Variants in TPP2 observed in about 807,000 individuals in gnomAD.
The protein encoded by TPP2 is tripeptidyl peptidase 2.
TPP2 carries 34 observed loss-of-function variants against 155.9 expected under a neutral mutation model. The ratio of observed to expected loss-of-function variants is 0.22; its 90% CI spans 0.17 to 0.29. TPP2 has a LOEUF of 0.29. TPP2 is among the 10% of genes least tolerant of loss of function. The pLI is 1.00. For missense variants in TPP2, 1,028 were observed against 1,522.3 expected (o/e 0.68, Z 5.40); for synonymous variants, 510 against 529.4 (o/e 0.96, Z 0.50).
chr13:102,655,033 G>GC (rs1427601668), intron 24 of TPP2: 1 of 502,848 alleles, frequency 2.0e-6, no homozygotes. Context: ...ACAGGTTCTG[G>GC]CCCCCTGACC....
At chr13:102,604,727 A>C in intron 1 of TPP2, 66 bp from the exon 2 acceptor site, 1 of 1,526,016 alleles carries the variant, frequency 6.6e-7, no homozygotes, top group Non-Finnish European at 8.9e-7. Context: ...ATATATGTGG[A>C]TTTGCATTGT....
chr13:102,644,837 A>G, intron 18 of TPP2, 72 bp from the exon 19 acceptor site: 1 of 1,548,624 alleles, frequency 6.5e-7, no homozygotes. Context: ...TATTGGACAC[A>G]TTTATTTTAG....
At chr13:102,654,283 A>AG (rs1206614451) in intron 24 of TPP2, among the ~76,000 whole-genome samples, 1 of 152,194 alleles carries the variant, frequency 6.6e-6, no homozygotes, top group Non-Finnish European at 1.5e-5. Flanking sequence ...AACATCTTGT[A>AG]GGATTACACT....
Position 102,678,336 on chromosome 13 carries a change from A to C in TPP2, c.*20A>C. ...TTCTAAAATAGGAAACAAGACTTTA[A>C]ATTTTAAAAAAGGAAGTTTTATAGT... On this transcript the variant is annotated 3_prime_UTR_variant, in exon 30 of 30. Coordinates refer to ENST00000376052, the MANE Select transcript of TPP2 (RefSeq NM_001330588.2). 5 of 1,598,456 alleles carry C rather than the reference A, an allele frequency of 3.1e-6. No homozygotes were observed. Among genetic ancestry groups the C allele is most frequent in the Non-Finnish European group, 4.3e-6 (5 of 1,175,614 alleles).
At chr13:102,626,914 T>G (rs2139477292) in intron 6 of TPP2, 98 bp from the exon 7 acceptor site, 1 of 1,258,814 alleles carries the variant, frequency 7.9e-7, no homozygotes, top group East Asian at 2.7e-5. Context: ...CAGAGTAATG[T>G]GTATTCTTTT....
At chr13:102,674,666 A>G (rs1311863736) in intron 28 of TPP2, among the ~76,000 whole-genome samples, 176 bp downstream of exon 28, 2 of 152,224 alleles carry the variant, frequency 1.3e-5, no homozygotes, top group Non-Finnish European at 2.9e-5. Flanking sequence ...TTTAAAAAAC[A>G]TTATTTTATG....
rs1433974217 is a variant in TPP2 at position 102,597,119 on chromosome 13, C to A, written c.81C>A (p.Leu27=). ...AGGAGACCGGAGCCGCCTCCTTCCT[C>A]TGCCGCTACCCGGAGTATGATGGGC... ...PKKETGAASF[L]CRYPEYDGRG... Residue 27 remains leucine, a synonymous_variant, in exon 1 of 30, where the codon CTC becomes CTA. Transcript: ENST00000376052. 3 of 1,611,234 alleles carry A rather than the reference C, an allele frequency of 1.9e-6. No individual in the cohort carries two copies. In the South Asian group the frequency reaches 3.3e-5, roughly 18 times the overall value.
intron 1 of TPP2, among the ~76,000 whole-genome samples, chr13:102,602,557 A>G (rs1352612119): frequency 6.6e-6 from 1 of 152,220 alleles, no homozygotes; most frequent in South Asian, 2.1e-4. Context: ...GTTCCATGGC[A>G]ACAAGATTGA....
chr13:102,601,635 C>T (rs1354058675), intron 1 of TPP2, among the ~76,000 whole-genome samples: 1 of 152,168 alleles, frequency 6.6e-6, no homozygotes, highest in Non-Finnish European at 1.5e-5. Flanking sequence ...TGCTTTCAGT[C>T]CCTCTTTCCC....
At chr13:102,649,896 C>T (rs1883373303) in intron 23 of TPP2, among the ~76,000 whole-genome samples, 1 of 152,014 alleles carries the variant, frequency 6.6e-6, no homozygotes, top group Non-Finnish European at 1.5e-5. Context: ...AGGAATAAAT[C>T]AGATTATCTT....
intron 2 of TPP2, among the ~76,000 whole-genome samples, chr13:102,613,513 A>G (rs1441624781): frequency 6.6e-6 from 1 of 152,224 alleles, no homozygotes; most frequent in Non-Finnish European, 1.5e-5. Context: ...AGAATAAGGT[A>G]GAGATTTTCT....
Position 102,678,459 on chromosome 13 carries a change from G to A in TPP2, c.*143G>A, listed in dbSNP as rs985229550. 2 of 645,816 alleles carry A rather than the reference G, an allele frequency of 3.1e-6. No individual in the cohort carries two copies. Among genetic ancestry groups the A allele is most frequent in the African/African-American group, 1.9e-5 (1 of 53,024 alleles). The allele number at this position is 645,816 out of a possible 1,614,324, so 40.0% of individuals were successfully genotyped here. ...ATTAAAATGACATGTATTTATCAGAGAATTCACTGACGTGTGGCTTAATAC... is the reference window on the plus strand; with the variant it reads ...ATTAAAATGACATGTATTTATCAGAAAATTCACTGACGTGTGGCTTAATAC... On this transcript the variant is annotated 3_prime_UTR_variant, in exon 30 of 30. Coordinates refer to ENST00000376052, the MANE Select transcript of TPP2 (RefSeq NM_001330588.2).
intron 6 of TPP2, among the ~76,000 whole-genome samples, chr13:102,625,437 T>C (rs1189188382): frequency 6.6e-6 from 1 of 152,138 alleles, no homozygotes; most frequent in Admixed American, 6.5e-5. Flanking sequence ...GTGCTGGGAT[T>C]ACAGGTGTGA....
intron 10 of TPP2, 129 bp downstream of exon 10, chr13:102,630,324 A>G (rs1363271230): frequency 3.3e-6 from 2 of 598,386 alleles, no homozygotes; most frequent in African/African-American, 1.9e-5. Flanking sequence ...CAGTATTTTC[A>G]TTTTGATTAA....
chr13:102,623,186 A>G lies in TPP2; in HGVS notation c.784+146A>G, dbSNP rs988967293. The G allele has an allele frequency of 1.9e-5, 16 of 862,322 alleles. No homozygotes were observed. The South Asian group carries it at 3.2e-4, about 17-fold the overall frequency. The allele number at this position is 862,322 out of a possible 1,614,324, so 53.4% of individuals were successfully genotyped here. A position where few individuals can be genotyped will look rare whatever the true frequency, so the allele number is the denominator to read the frequency against. ...GGTCCAGAATCATAAAGGTGATTTG[A>G]TTTACCTGCAAGATGTTGTTTTTTA... On this transcript the variant is annotated intron_variant, in intron 6 of 29. Coordinates refer to ENST00000376052, the MANE Select transcript of TPP2 (RefSeq NM_001330588.2).
At chr13:102,661,455 C>G (rs1884219617) in intron 25 of TPP2, among the ~76,000 whole-genome samples, 1 of 151,888 alleles carries the variant, frequency 6.6e-6, no homozygotes, top group East Asian at 1.9e-4. Context: ...GTTGCCCAGG[C>G]TAGTCTGGAA....
intron 27 of TPP2, among the ~76,000 whole-genome samples, chr13:102,673,431 G>C (rs1475278814): frequency 6.6e-6 from 1 of 152,190 alleles, no homozygotes; most frequent in Non-Finnish European, 1.5e-5. Context: ...TCTGACATAA[G>C]TTGGACAGAA....
chr13:102,645,139 G>A, intron 19 of TPP2, 130 bp downstream of exon 19: 1 of 821,972 alleles, frequency 1.2e-6, no homozygotes, highest in Admixed American at 2.9e-5. Flanking sequence ...ATCCTTGCCA[G>A]CAGATCTCTG....
intron 24 of TPP2, among the ~76,000 whole-genome samples, chr13:102,656,599 G>A (rs924368660): frequency 6.6e-6 from 1 of 152,068 alleles, no homozygotes; most frequent in Non-Finnish European, 1.5e-5. Flanking sequence ...CTGGCACATC[G>A]CGGGGACTCA....
Sources: allele counts gnomAD v4.1 joint callset (sites outside exome capture counted in the v4.1 genomes callset), GRCh38; gene constraint gnomAD v4.1.1; transcripts MANE v1.5; gene names NCBI Gene and HGNC (gene_info 2026-07-23, HGNC 2026-07-21).